The following GLI3 variants were observed in gnomAD, a reference collection of about 807,000 sequenced individuals.
GLI3 encodes the protein transcription activator GLI3.
In GLI3, 20 loss-of-function variants were observed where a neutral mutation model predicts 100.8. The observed-to-expected ratio is 0.20, with a 90% confidence interval of 0.14 to 0.29. The LOEUF (loss-of-function observed/expected upper bound fraction) is 0.29, where lower values mean the gene tolerates loss of function less well. Ranked by LOEUF, GLI3 falls within the 10% of genes least tolerant of loss-of-function variation. The pLI is 1.00. For missense variants in GLI3, 2,040 were observed against 2,128.5 expected (o/e 0.96, Z 0.82); for synonymous variants, 938 against 860.5 (o/e 1.09, Z -1.58).
Position 41,965,479 on chromosome 7 carries a change from G to C in GLI3, c.3594C>G (p.Val1198=). 1 of 1,609,180 alleles carries C rather than the reference G, an allele frequency of 6.2e-7. No homozygotes were observed. Among genetic ancestry groups the C allele is most frequent in the Non-Finnish European group, 8.5e-7 (1 of 1,177,218 alleles). ...TRAFGFCNGM[V]VHPQNPLRSG... ...TCCTCAAGGGGTTCTGCGGGTGGAC[G>C]ACCATGCCGTTGCAGAACCCAAAGG... Residue 1198 remains valine (V), a synonymous_variant, in exon 15 of 15, where the codon GTC becomes GTG. Transcript: ENST00000395925.
At chr7:42,121,605 C>G (rs947238410) in intron 3 of GLI3, among the ~76,000 whole-genome samples, 1 of 152,154 alleles carries the variant, frequency 6.6e-6, no homozygotes, top group Non-Finnish European at 1.5e-5. Flanking sequence ...TGGTCTTTGC[C>G]TACTTTTCCT....
At chr7:42,245,803 C>A (rs1788964753) in intron 1 of GLI3, among the ~76,000 whole-genome samples, 1 of 151,446 alleles carries the variant, frequency 6.6e-6, no homozygotes, top group Non-Finnish European at 1.5e-5. Flanking sequence ...ATTTCATCAC[C>A]CCTTATTTTA....
chr7:42,065,299 G>A (rs1784652157), intron 4 of GLI3, among the ~76,000 whole-genome samples: 1 of 150,574 alleles, frequency 6.6e-6, no homozygotes, highest in African/African-American at 2.4e-5. Context: ...CAGACCCCTG[G>A]TTAGCTACAA....
chr7:42,063,447 T>G (rs956422929), intron 4 of GLI3, among the ~76,000 whole-genome samples: 3 of 152,196 alleles, frequency 2.0e-5, no homozygotes, highest in Non-Finnish European at 4.4e-5. Context: ...TCTTTTAGAA[T>G]TATTCAGACA....
chr7:42,256,519 T>C (rs1342619615), intron 1 of GLI3, among the ~76,000 whole-genome samples: 8 of 152,220 alleles, frequency 5.3e-5, no homozygotes, highest in East Asian at 1.9e-4. Context: ...AAGACTGCTG[T>C]ACCAATCGTT....
At chr7:42,186,959 C>T (rs925322421) in intron 2 of GLI3, among the ~76,000 whole-genome samples, 2 of 151,816 alleles carry the variant, frequency 1.3e-5, no homozygotes, top group Non-Finnish European at 2.9e-5. Flanking sequence ...CCTATAATCC[C>T]AGCACATTGG....
intron 7 of GLI3, 47 bp from the exon 8 acceptor site, chr7:42,026,459 C>A (rs767297010): frequency 4.4e-6 from 6 of 1,378,270 alleles, no homozygotes; most frequent in East Asian, 4.6e-5. Flanking sequence ...AAACGCTGAG[C>A]TCAGACAAGT....
chr7:42,104,031 G>A (rs186800188), intron 3 of GLI3, among the ~76,000 whole-genome samples: 2 of 152,290 alleles, frequency 1.3e-5, no homozygotes, highest in Admixed American at 6.5e-5. Flanking sequence ...TTCCTTGACT[G>A]TTCACTGTAT....
chr7:42,007,519 C>T (rs28560308), intron 10 of GLI3, among the ~76,000 whole-genome samples: 9,478 of 152,214 alleles, frequency 0.062, 423 homozygotes, highest in Non-Finnish European at 0.096. Context: ...GAAAAAAACG[C>T]CTTTCCTGGT....
intron 3 of GLI3, among the ~76,000 whole-genome samples, chr7:42,081,625 G>A (rs1370319476): frequency 2.0e-5 from 3 of 152,152 alleles, no homozygotes; most frequent in African/African-American, 4.8e-5. Flanking sequence ...TGTAGCCAGA[G>A]AATAACCGAG....
chr7:42,016,299 G>A (rs62441527), intron 10 of GLI3, among the ~76,000 whole-genome samples: 4,313 of 152,126 alleles, frequency 0.028, 104 homozygotes, highest in Non-Finnish European at 0.037. Flanking sequence ...CCAGAGCGCC[G>A]CTCCAGTTCT....
chr7:42,197,044 T>C (rs1384067014), intron 2 of GLI3, among the ~76,000 whole-genome samples: 1 of 152,212 alleles, frequency 6.6e-6, no homozygotes, highest in Non-Finnish European at 1.5e-5. Context: ...AACTGAGGCC[T>C]ACAATGTAGC....
intron 4 of GLI3, among the ~76,000 whole-genome samples, chr7:42,065,345 A>G (rs903799014): frequency 2.6e-5 from 4 of 151,910 alleles, no homozygotes; most frequent in Admixed American, 1.3e-4. Context: ...AGAAATTCTC[A>G]TGCACAAAAA....
chr7:42,124,432 A>G (rs976834869), intron 3 of GLI3, among the ~76,000 whole-genome samples: 4 of 152,348 alleles, frequency 2.6e-5, no homozygotes, highest in African/African-American at 9.6e-5. Flanking sequence ...TCCTCTTCCT[A>G]CAGAACCAAA....
intron 3 of GLI3, among the ~76,000 whole-genome samples, chr7:42,090,432 TGAATA>T (rs1785193112): frequency 6.6e-6 from 1 of 152,236 alleles, no homozygotes; most frequent in Non-Finnish European, 1.5e-5. Context: ...GTCCTTGACC[TGAATA>T]TCCTTAGGCA....
chr7:42,164,504 T>G (rs1787198121), intron 2 of GLI3, among the ~76,000 whole-genome samples: 1 of 148,036 alleles, frequency 6.8e-6, no homozygotes, highest in African/African-American at 2.5e-5. Context: ...GAAAGACAGA[T>G]AAAGACCTTG....
intron 2 of GLI3, chr7:42,172,750 A>G (rs1787402107): frequency 4.7e-6 from 3 of 639,568 alleles, no homozygotes; most frequent in Non-Finnish European, 8.5e-6. Context: ...AAGTTAACAC[A>G]TTTCATTACT....
intron 4 of GLI3, 141 bp downstream of exon 4, chr7:42,076,611 G>A: frequency 1.4e-6 from 1 of 692,570 alleles, no homozygotes; most frequent in Non-Finnish European, 2.6e-6. Flanking sequence ...GAACAGATAG[G>A]CTTGCTATAT....
At chr7:42,125,824 A>T (rs1455140096) in intron 3 of GLI3, among the ~76,000 whole-genome samples, 1 of 152,186 alleles carries the variant, frequency 6.6e-6, no homozygotes, top group African/African-American at 2.4e-5. Flanking sequence ...GGTTCGATGG[A>T]GCTGGGCGCC....
Sources: gnomAD v4.1 joint callset for allele counts (sites outside exome capture counted in the v4.1 genomes callset) on GRCh38, gnomAD v4.1.1 for gene constraint, MANE v1.5 for transcripts, NCBI Gene and HGNC (gene_info 2026-07-23, HGNC 2026-07-21) for gene names.